The following PCDHA3 variants were observed in gnomAD, a reference collection of about 807,000 sequenced individuals.
PCDHA3 encodes the protein protocadherin alpha-3.
Under a neutral mutation model 62.2 loss-of-function variants are expected in PCDHA3, and 41 were observed. The ratio of observed to expected loss-of-function variants is 0.66; its 90% confidence interval spans 0.51 to 0.86. PCDHA3 has a LOEUF of 0.86. PCDHA3 is among the 40% of genes least tolerant of loss of function. PCDHA3 has a pLI of 0.00. For missense variants in PCDHA3, 1,304 were observed against 1,241.2 expected (o/e 1.05, Z -0.76); for synonymous variants, 640 against 555.4 (o/e 1.15, Z -2.14).
At chr5:140,908,452 T>A (rs2073982140) in intron 1 of PCDHA3, among the ~76,000 whole-genome samples, 1 of 152,196 alleles carries the variant, frequency 6.6e-6, no homozygotes, top group African/African-American at 2.4e-5. Context: ...TATGGCTAGA[T>A]GGATCAGAAA....
Position 140,901,240 on chromosome 5 carries a change from C to T in PCDHA3, c.2395-77709C>T, listed in dbSNP as rs868923936. 8.9e-4 allele frequency among the ~76,000 whole-genome samples: 135 copies of T among 151,946 alleles called. 1 individual carries two copies. Among genetic ancestry groups the T allele is most frequent in the Middle Eastern group, 6.8e-3 (2 of 294 alleles). The stretch of plus-strand genomic sequence containing the variant: ...TGTGATCCCATATATCCATTTTTTT[C>T]CTTTGGTTCCCTGTGATTGTGGGGT... On this transcript the variant is annotated intron_variant, in intron 1 of 3. Transcript: ENST00000522353.
At position 141,010,158 on chromosome 5, in the gene PCDHA3, GT is replaced by G. The variant is rs1563735803; in HGVS notation, c.*225del. 1.3e-6 allele frequency: 2 copies of G among 1,570,690 alleles called. No homozygotes were observed. The highest frequency in any genetic ancestry group is 1.7e-6 in the Non-Finnish European group (2 of 1,156,884). ...TAACTCTTTCTCTCCACTCTGGCTT[GT>G]TTTCAGAACCTAAAAAGCAGACCCA... On this transcript the variant is annotated 3_prime_UTR_variant, in exon 4 of 4. Coordinates refer to ENST00000522353, the MANE Select transcript of PCDHA3 (RefSeq NM_018906.3).
chr5:140,832,356 T>A (rs1012512842), intron 1 of PCDHA3, among the ~76,000 whole-genome samples: 1 of 152,250 alleles, frequency 6.6e-6, no homozygotes, highest in East Asian at 1.9e-4. Flanking sequence ...TGTTTCCTAA[T>A]GTGAGCATTT....
chr5:140,923,529 A>C lies in PCDHA3; in HGVS notation c.2395-55420A>C, dbSNP rs915297152. Among the ~76,000 whole-genome samples the C allele has an allele frequency of 1.5e-4, 23 of 152,138 alleles. 1 individual carries two copies. The highest frequency in any genetic ancestry group is 1.2e-3 in the Admixed American group (19 of 15,268). On this transcript the variant is annotated intron_variant, in intron 1 of 3. Transcript: ENST00000522353. ...GGATGATGAAGTGAGATTCTGTCCC[A>C]AAAAAAGGACAAAATGAAATATCAG... is the stretch of plus-strand genomic sequence containing the variant.
At chr5:140,820,200 C>T (rs2150106247) in intron 1 of PCDHA3, among the ~76,000 whole-genome samples, 3 of 151,706 alleles carry the variant, frequency 2.0e-5, no homozygotes, top group African/African-American at 4.8e-5. Flanking sequence ...TGTGTTTCAA[C>T]GATCCAAATA....
At position 140,802,207 on chromosome 5, in the gene PCDHA3, T is replaced by C. The variant is rs1762868558; in HGVS notation, c.1010T>C (p.Leu337Pro). ...NPPMSDHCTVLLEIVDINDNV... is the reference protein window; with the variant it reads ...NPPMSDHCTVPLEIVDINDNV... ...CCAATGTCAGATCACTGCACAGTTC[T>C]ACTCGAAATTGTGGACATCAATGAT... The change falls in exon 1 of 4, where the codon CTA becomes CCA. Residue 337 changes from leucine to proline, a missense_variant. Leu to Pro is a moderately conservative substitution (Grantham distance 98). Transcript: ENST00000522353. 2 of 1,614,242 alleles carry C rather than the reference T, an allele frequency of 1.2e-6. No homozygotes were observed. The highest frequency in any genetic ancestry group is 8.5e-7 in the Non-Finnish European group (1 of 1,180,044).
At chr5:140,924,209 A>T (rs1470255016) in intron 1 of PCDHA3, among the ~76,000 whole-genome samples, 1 of 152,242 alleles carries the variant, frequency 6.6e-6, no homozygotes, top group Non-Finnish European at 1.5e-5. Flanking sequence ...AAATTTGGTG[A>T]AGAATAAGTT....
At position 140,802,669 on chromosome 5, in the gene PCDHA3, C is replaced by T. The variant is rs782733330; in HGVS notation, c.1472C>T (p.Ser491Phe). 33 of 1,613,332 alleles carry T rather than the reference C, an allele frequency of 2.0e-5. No individual in the cohort carries two copies. The highest frequency in any genetic ancestry group is 2.6e-5 in the Non-Finnish European group (31 of 1,179,850). Residue 491 changes from serine (S) to phenylalanine (F), a missense_variant, in exon 1 of 4, where the codon TCC becomes TTC. Physicochemically the swap from Ser to Phe is radical, Grantham distance 155. Transcript: ENST00000522353. Reference protein sequence around the residue: ...DADAQENALVSYSLVERRVGE... With the variant: ...DADAQENALVFYSLVERRVGE... ...GACGCGCAGGAGAACGCCCTGGTGT[C>T]CTACTCGCTGGTGGAACGGCGGGTG...
chr5:140,925,641 T>TATAATAATA (rs10569930), intron 1 of PCDHA3, among the ~76,000 whole-genome samples: 4,530 of 143,294 alleles, frequency 0.032, 85 homozygotes, highest in Middle Eastern at 0.043. Flanking sequence ...GAACTTAAAG[T>TATAATAATA]ATAATAATAA....
rs782489307 is a variant in PCDHA3 at position 140,803,385 on chromosome 5, G to A, written c.2188G>A (p.Gly730Ser). The A allele has an allele frequency of 5.0e-6, 8 of 1,614,100 alleles. No homozygotes were observed. Among genetic ancestry groups the A allele is most frequent in the East Asian group, 4.5e-5 (2 of 44,894 alleles). ...ALRCSAPPTE[G>S]DCGPGKPTLV... ...GCGGTGCTCCGCGCCGCCAACCGAA[G>A]GCGACTGTGGGCCGGGCAAGCCCAC... Residue 730 changes from glycine (G) to serine (S), a missense_variant, in exon 1 of 4, where the codon GGC becomes AGC. Coordinates refer to ENST00000522353, the MANE Select transcript of PCDHA3 (RefSeq NM_018906.3).
chr5:140,975,201 A>G (rs1253516142), intron 1 of PCDHA3, among the ~76,000 whole-genome samples: 1 of 152,144 alleles, frequency 6.6e-6, no homozygotes, highest in Non-Finnish European at 1.5e-5. Context: ...CTCCATCTTC[A>G]TGGCTGGCAC....
intron 1 of PCDHA3, chr5:140,869,090 C>T: frequency 6.3e-7 from 1 of 1,589,674 alleles, no homozygotes; most frequent in Non-Finnish European, 8.6e-7. Context: ...TTTTGGAAGC[C>T]AATTTCGTAT....
At chr5:140,880,582 A>G (rs2058391478) in intron 1 of PCDHA3, among the ~76,000 whole-genome samples, 1 of 152,230 alleles carries the variant, frequency 6.6e-6, no homozygotes, top group South Asian at 2.1e-4. Flanking sequence ...GAAGAGAGGA[A>G]AGAGAATATG....
chr5:140,925,371 A>G (rs1266840293), intron 1 of PCDHA3, among the ~76,000 whole-genome samples: 2 of 152,136 alleles, frequency 1.3e-5, no homozygotes, highest in Non-Finnish European at 2.9e-5. Context: ...CATAGTCAAT[A>G]GTCAATGAGT....
chr5:140,839,660 C>T (rs1174636737), intron 1 of PCDHA3, among the ~76,000 whole-genome samples: 1 of 152,018 alleles, frequency 6.6e-6, no homozygotes, highest in Non-Finnish European at 1.5e-5. Flanking sequence ...TTGTTTGCTA[C>T]TATTTAGAGT....
intron 1 of PCDHA3, chr5:140,835,829 G>C: frequency 6.2e-7 from 1 of 1,612,474 alleles, no homozygotes; most frequent in Non-Finnish European, 8.5e-7. Context: ...CGGGGGACGC[G>C]GACGCGCAGA....
At chr5:140,818,501 A>G (rs1442047621) in intron 1 of PCDHA3, among the ~76,000 whole-genome samples, 1 of 152,242 alleles carries the variant, frequency 6.6e-6, no homozygotes, top group African/African-American at 2.4e-5. Flanking sequence ...CTTGGATTTT[A>G]AAATCAGATA....
rs782349098 is a variant in PCDHA3 at position 140,802,553 on chromosome 5, G to A, written c.1356G>A (p.Ala452=). The change falls in exon 1 of 4, where the codon GCG becomes GCA. Residue 452 remains alanine (A), a synonymous_variant. Transcript: ENST00000522353. ...AGGTGGCCGACGTGAACGACAATGC[G>A]CCGGCATTCTCGCAGTCCGAGTACA... ...SVEVADVNDN[A]PAFSQSEYTV... is the part of the protein sequence containing the mutation. 4 of 1,614,068 alleles carry A rather than the reference G, an allele frequency of 2.5e-6. No individual in the cohort carries two copies. The highest frequency in any genetic ancestry group is 1.1e-5 in the South Asian group (1 of 91,082).
rs1215041869 is a variant in PCDHA3, at chr5:141,010,411, G to T, written c.*474G>T. ...TGAGACGAGCCAGCTTAGACTAATT[G>T]GTACAAGGAAGGCAAGAAAACAAAG... On this transcript the variant is annotated 3_prime_UTR_variant, in exon 4 of 4. Transcript: ENST00000522353. 4.1e-6 allele frequency: 5 copies of T among 1,224,236 alleles called. No individual in the cohort carries two copies. The highest frequency in any genetic ancestry group is 4.4e-6 in the Non-Finnish European group (4 of 905,798). The allele number at this position is 1,224,236 out of a possible 1,614,324, so 75.8% of individuals were successfully genotyped here. A position where few individuals can be genotyped will look rare whatever the true frequency, so the allele number is the denominator to read the frequency against.
Sources: allele counts gnomAD v4.1 joint callset (sites outside exome capture counted in the v4.1 genomes callset), GRCh38; gene constraint gnomAD v4.1.1; transcripts MANE v1.5; gene names NCBI Gene and HGNC (gene_info 2026-07-23, HGNC 2026-07-21).